Variants in SUSD4 observed in about 807,000 individuals in gnomAD.
SUSD4 encodes sushi domain containing 4.
SUSD4 carries 41 observed loss-of-function variants against 50.5 expected under a neutral mutation model. The observed-to-expected ratio is 0.81, with a 90% CI of 0.63 to 1.05. The LOEUF (loss-of-function observed/expected upper bound fraction) is 1.05, where lower values mean the gene tolerates loss of function less well. SUSD4 is among the 50% of genes least tolerant of loss of function. The pLI is 0.00. For synonymous variants in SUSD4, 257 were observed against 257.3 expected, an observed-to-expected ratio of 1.00 and a Z score of 0.01; for missense variants, 580 against 634.7, an observed-to-expected ratio of 0.91 and a Z score of 0.93.
intron 2 of SUSD4, among the ~76,000 whole-genome samples, chr1:223,338,230 T>C (rs1281110135): frequency 6.6e-6 from 1 of 152,050 alleles, no homozygotes; most frequent in East Asian, 1.9e-4. Context: ...GGAAGGTCAG[T>C]GGACTGAAAA....
At chr1:223,296,809 C>A (rs567072218) in intron 2 of SUSD4, among the ~76,000 whole-genome samples, 1 of 152,298 alleles carries the variant, frequency 6.6e-6, no homozygotes, top group Non-Finnish European at 1.5e-5. Flanking sequence ...CTCTGCACTT[C>A]TCCTTGCTGC....
chr1:223,329,361 A>C (rs1166302601), intron 2 of SUSD4, among the ~76,000 whole-genome samples: 1 of 152,168 alleles, frequency 6.6e-6, no homozygotes, highest in Non-Finnish European at 1.5e-5. Context: ...ATAATTTATC[A>C]TCTCATTCCA....
intron 2 of SUSD4, among the ~76,000 whole-genome samples, chr1:223,309,703 T>TAGC (rs1218963091): frequency 6.6e-6 from 1 of 152,222 alleles, no homozygotes; most frequent in Non-Finnish European, 1.5e-5. Flanking sequence ...TGAATCCTGG[T>TAGC]AGCAGCTATT....
intron 2 of SUSD4, among the ~76,000 whole-genome samples, chr1:223,325,006 G>T (rs532795788): frequency 6.6e-6 from 1 of 152,094 alleles, no homozygotes; most frequent in Non-Finnish European, 1.5e-5. Context: ...CAGTTGAGAT[G>T]GGCTTATGAC....
At chr1:223,239,459 G>C (rs910003039) in intron 5 of SUSD4, among the ~76,000 whole-genome samples, 2 of 151,744 alleles carry the variant, frequency 1.3e-5, no homozygotes, top group African/African-American at 4.8e-5. Context: ...ATTTCTTTTT[G>C]GTTTTAATTG....
intron 5 of SUSD4, among the ~76,000 whole-genome samples, chr1:223,234,649 G>C (rs1447010187): frequency 1.3e-5 from 2 of 152,058 alleles, no homozygotes; most frequent in Non-Finnish European, 2.9e-5. Context: ...TTTTTCAGTG[G>C]GGGAAAAAAG....
chr1:223,265,339 GC>G (rs1220297755), intron 4 of SUSD4, among the ~76,000 whole-genome samples: 3 of 152,186 alleles, frequency 2.0e-5, no homozygotes, highest in African/African-American at 7.2e-5. Context: ...TGAGATGGTG[GC>G]CTTAAATTTC....
chr1:223,294,041 G>A (rs1003520110), intron 2 of SUSD4, among the ~76,000 whole-genome samples: 7 of 152,176 alleles, frequency 4.6e-5, no homozygotes, highest in African/African-American at 1.2e-4. Context: ...TGCTTTAACC[G>A]TGTCCTCAAA....
At chr1:223,264,967 A>C in intron 4 of SUSD4, 149 bp from the exon 5 acceptor site, 3 of 756,064 alleles carry the variant, frequency 4.0e-6, no homozygotes, top group Non-Finnish European at 6.2e-6. Context: ...CCTTGGTCTC[A>C]AATACTCAGG....
chr1:223,355,660 C>T (rs1185530230), intron 2 of SUSD4, among the ~76,000 whole-genome samples: 10 of 152,180 alleles, frequency 6.6e-5, no homozygotes, highest in African/African-American at 9.7e-5. Flanking sequence ...GAATATAATG[C>T]ATGAGTGACC....
intron 5 of SUSD4, among the ~76,000 whole-genome samples, chr1:223,260,873 A>G (rs1351005939): frequency 2.0e-5 from 3 of 152,184 alleles, no homozygotes; most frequent in Non-Finnish European, 4.4e-5. Flanking sequence ...CTCCTTCATG[A>G]AGCCAGGTAT....
intron 3 of SUSD4, among the ~76,000 whole-genome samples, chr1:223,288,424 A>G (rs1664283005): frequency 6.6e-6 from 1 of 152,208 alleles, no homozygotes; most frequent in Non-Finnish European, 1.5e-5. Flanking sequence ...TAGTATATTT[A>G]TAGCAGTGTG....
intron 5 of SUSD4, among the ~76,000 whole-genome samples, chr1:223,245,592 T>C (rs1241143848): frequency 1.3e-5 from 2 of 152,042 alleles, no homozygotes; most frequent in Non-Finnish European, 2.9e-5. Flanking sequence ...GTAGTTGGGA[T>C]TTTATCATAG....
At chr1:223,351,956 G>A (rs1300976230) in intron 2 of SUSD4, among the ~76,000 whole-genome samples, 1 of 151,376 alleles carries the variant, frequency 6.6e-6, no homozygotes, top group Non-Finnish European at 1.5e-5. Context: ...AACACAGCAG[G>A]CACTATAGGA....
At chr1:223,350,873 G>C (rs1389461543) in intron 2 of SUSD4, among the ~76,000 whole-genome samples, 1 of 152,056 alleles carries the variant, frequency 6.6e-6, no homozygotes, top group Non-Finnish European at 1.5e-5. Flanking sequence ...GTAGACAAAG[G>C]TTTACTGAGA....
intron 3 of SUSD4, among the ~76,000 whole-genome samples, chr1:223,276,310 T>C (rs17163766): frequency 0.042 from 6,324 of 152,288 alleles, 172 homozygotes; most frequent in East Asian, 0.13. Context: ...TGCCTGACAA[T>C]TCTGGGACTT....
rs141923919 is a variant in SUSD4, at chr1:223,276,840, G to A, written c.362-8165C>T. Among the ~76,000 whole-genome samples, 754 of 152,214 alleles carry A rather than the reference G, an allele frequency of 5.0e-3. 1 individual carries two copies. Among genetic ancestry groups the A allele is most frequent in the Non-Finnish European group, 7.9e-3 (535 of 68,020 alleles). ...ATACTTGCCCTTGTGGGCACAGGCT[G>A]TCATTTCTGATAATCCACATCTAAG... On this transcript the variant is annotated intron_variant, in intron 3 of 8. Coordinates refer to ENST00000366878, the MANE Select transcript of SUSD4 (RefSeq NM_017982.4).
chr1:223,229,527 G>T lies in SUSD4; in HGVS notation c.725-139C>A. 1.3e-6 allele frequency: 1 copy of T among 769,310 alleles called. No homozygotes were observed. The allele number at this position is 769,310 out of a possible 1,614,324, so 47.7% of individuals were successfully genotyped here. Reference sequence around the variant, plus strand: ...ATCACCAGGCTACTGAGTTGCATTAGAGATGGTCTCTTTTTTAGTATTTCA... The same window carrying T: ...ATCACCAGGCTACTGAGTTGCATTATAGATGGTCTCTTTTTTAGTATTTCA... On this transcript the variant is annotated intron_variant, in intron 5 of 8. Transcript: ENST00000366878. The surrounding 1 kb of genome is among the most constrained non-coding windows in gnomAD (Gnocchi z 4.7).
At chr1:223,342,788 G>C (rs1450489258) in intron 2 of SUSD4, among the ~76,000 whole-genome samples, 1 of 152,128 alleles carries the variant, frequency 6.6e-6, no homozygotes, top group Non-Finnish European at 1.5e-5. Flanking sequence ...GAAAAATACA[G>C]GTGACTATGT....
Sources: gnomAD v4.1 joint callset for allele counts (sites outside exome capture counted in the v4.1 genomes callset) on GRCh38, gnomAD v4.1.1 for gene constraint, Gnocchi (gnomAD v3.1) non-coding constraint, MANE v1.5 for transcripts, NCBI Gene and HGNC (gene_info 2026-07-23, HGNC 2026-07-21) for gene names.